Variants in STAG1 observed in about 807,000 individuals in gnomAD.
The protein encoded by STAG1 is STAG1 cohesin complex component, also known as cohesin subunit SA-1.
A neutral mutation model predicts 170.9 loss-of-function variants in STAG1; 26 were observed. The observed-to-expected ratio is 0.15, with a 90% CI of 0.11 to 0.21. STAG1 has a LOEUF of 0.21. Ranked by LOEUF, STAG1 falls within the 10% of genes least tolerant of loss-of-function variation. The pLI, the probability that STAG1 is intolerant of heterozygous loss-of-function variation, is 1.00. For missense variants in STAG1, 964 were observed against 1,509.5 expected (o/e 0.64, Z 5.99); for synonymous variants, 514 against 497.7 (o/e 1.03, Z -0.44).
intron 3 of STAG1, among the ~76,000 whole-genome samples, chr3:136,619,844 T>A (rs1458671977): frequency 6.7e-6 from 1 of 148,412 alleles, no homozygotes; most frequent in Non-Finnish European, 1.5e-5. Context: ...GGTGGGACGA[T>A]CAGTTGAGCC....
At chr3:136,663,487 A>G (rs1941646736) in intron 1 of STAG1, among the ~76,000 whole-genome samples, 1 of 152,206 alleles carries the variant, frequency 6.6e-6, no homozygotes, top group African/African-American at 2.4e-5. Context: ...CCATGACCCA[A>G]TCAGTTAGCA....
chr3:136,567,691 T>A (rs994356038), intron 5 of STAG1, among the ~76,000 whole-genome samples: 6 of 152,198 alleles, frequency 3.9e-5, no homozygotes, highest in African/African-American at 1.4e-4. Flanking sequence ...TTGCTAACTG[T>A]ATGATCTGGA....
At position 136,541,538 on chromosome 3, in the gene STAG1, TCACACACACACACACA is replaced by T. The variant is rs59155124; in HGVS notation, c.471+565_471+580del. On this transcript the variant is annotated intron_variant, in intron 6 of 33. Transcript: ENST00000383202. ...AGTATCCCAAATAGAAGCTTAACAT[TCACACACACACACACA>T]CACACACACACACACACACACACAC... Among the ~76,000 whole-genome samples, 35 of 123,116 alleles carry T rather than the reference TCACACACACACACACA, an allele frequency of 2.8e-4. 1 individual carries two copies. The highest frequency in any genetic ancestry group is 8.4e-4 in the Admixed American group (10 of 11,972). The allele number at this position is 123,116 out of a possible 152,430, so 80.8% of individuals were successfully genotyped here. A position where few individuals can be genotyped will look rare whatever the true frequency, so the allele number is the denominator to read the frequency against.
rs371718276 is a variant in STAG1 at position 136,464,000 on chromosome 3, A to G, written c.1313+881T>C. Among the ~76,000 whole-genome samples the G allele has an allele frequency of 6.6e-5, 10 of 151,204 alleles. No individual in the cohort carries two copies. In the East Asian group the frequency reaches 9.7e-4, roughly 15 times the overall value. ...CAGTAAATCACGCTAAAACATGTAC[A>G]TCCTAAATGTTTACATGCATACACT... is the stretch of plus-strand genomic sequence containing the variant. On this transcript the variant is annotated intron_variant, in intron 13 of 33. Transcript: ENST00000383202.
intron 1 of STAG1, among the ~76,000 whole-genome samples, chr3:136,751,843 C>T (rs1012316447): frequency 1.3e-5 from 2 of 150,732 alleles, no homozygotes. Flanking sequence ...GCGGCGGGCC[C>T]GAGCGCGCCA....
intron 16 of STAG1, among the ~76,000 whole-genome samples, chr3:136,425,680 G>A (rs946945030): frequency 6.6e-6 from 1 of 150,442 alleles, no homozygotes; most frequent in Non-Finnish European, 1.5e-5. Context: ...ATTTAAATAC[G>A]TGTATGTGTG....
chr3:136,454,565 A>G (rs1559811253), intron 13 of STAG1, among the ~76,000 whole-genome samples: 1 of 150,452 alleles, frequency 6.6e-6, no homozygotes, highest in African/African-American at 2.5e-5. Context: ...TTTTTAGTAG[A>G]GATGGGGTTT....
chr3:136,474,635 T>C (rs1336329306), intron 10 of STAG1, among the ~76,000 whole-genome samples: 1 of 152,202 alleles, frequency 6.6e-6, no homozygotes, highest in African/African-American at 2.4e-5. Flanking sequence ...TGTAAGCTGA[T>C]TCAAGCCTAC....
intron 4 of STAG1, among the ~76,000 whole-genome samples, chr3:136,591,967 T>C (rs1377306414): frequency 6.6e-6 from 1 of 152,168 alleles, no homozygotes; most frequent in Non-Finnish European, 1.5e-5. Flanking sequence ...GAAAGAATAT[T>C]AGAAACAGCA....
chr3:136,359,131 G>C lies in STAG1; in HGVS notation c.2936+17C>G. 1.3e-6 allele frequency: 2 copies of C among 1,587,926 alleles called. No homozygotes were observed. The highest frequency in any genetic ancestry group is 1.7e-6 in the Non-Finnish European group (2 of 1,164,478). ...AGTAAATCAGATTCTGCATAACAAAGTGTTTATCTCACTCACTTGTGAAGT... is the reference window on the plus strand; with the variant it reads ...AGTAAATCAGATTCTGCATAACAAACTGTTTATCTCACTCACTTGTGAAGT... On this transcript the variant is annotated intron_variant, in intron 27 of 33. Coordinates refer to ENST00000383202, the MANE Select transcript of STAG1 (RefSeq NM_005862.3).
At chr3:136,374,501 C>T (rs1937509666) in intron 23 of STAG1, among the ~76,000 whole-genome samples, 1 of 151,840 alleles carries the variant, frequency 6.6e-6, no homozygotes, top group African/African-American at 2.4e-5. Context: ...CCTGTAATTC[C>T]AGCTACTAGG....
chr3:136,501,637 T>C (rs1400805818), intron 8 of STAG1, among the ~76,000 whole-genome samples: 14 of 152,204 alleles, frequency 9.2e-5, no homozygotes, highest in Admixed American at 8.5e-4. Context: ...TGTGAGATTA[T>C]AATAATGTTA....
chr3:136,583,326 A>T (rs1011453811), intron 4 of STAG1, among the ~76,000 whole-genome samples: 1 of 152,190 alleles, frequency 6.6e-6, no homozygotes, highest in South Asian at 2.1e-4. Flanking sequence ...ACTCAATATA[A>T]TATCTATAAA....
Position 136,613,026 on chromosome 3 carries a change from G to A in STAG1, c.133-8553C>T, listed in dbSNP as rs1289521625. On this transcript the variant is annotated intron_variant, in intron 3 of 33. Transcript: ENST00000383202. Reference sequence around the variant, plus strand: ...GCAAGAAATGAGAGTTTCTGGGCCGGGCGCAGTGGCTCACACCTGTAATCC... The same window carrying A: ...GCAAGAAATGAGAGTTTCTGGGCCGAGCGCAGTGGCTCACACCTGTAATCC... Among the ~76,000 whole-genome samples, 5 of 152,090 alleles carry A rather than the reference G, an allele frequency of 3.3e-5. No individual in the cohort carries two copies. In the East Asian group the frequency reaches 9.6e-4, roughly 29 times the overall value.
chr3:136,585,614 TAATAAA>T (rs1329442474), intron 4 of STAG1, among the ~76,000 whole-genome samples: 92 of 151,570 alleles, frequency 6.1e-4, no homozygotes, highest in African/African-American at 2.2e-3. Flanking sequence ...ATAATAATAA[TAATAAA>T]AAAATAAAAT....
At chr3:136,581,228 G>A (rs939821216) in intron 4 of STAG1, among the ~76,000 whole-genome samples, 2 of 152,190 alleles carry the variant, frequency 1.3e-5, no homozygotes, top group Non-Finnish European at 2.9e-5. Context: ...TCTGCCAGCT[G>A]TTGAGCTCCG....
intron 1 of STAG1, among the ~76,000 whole-genome samples, chr3:136,714,949 ATATATATATATATAT>A (rs1943485355): frequency 1.2e-5 from 1 of 80,074 alleles, no homozygotes; most frequent in Non-Finnish European, 2.9e-5. Context: ...ATATATATAT[ATATATATATATATAT>A]TTTATATATA....
intron 3 of STAG1, among the ~76,000 whole-genome samples, chr3:136,610,977 C>G (rs57693506): frequency 0.038 from 5,752 of 152,128 alleles, 138 homozygotes; most frequent in East Asian, 0.13. Context: ...GGGTTGAGTA[C>G]CCCTTATCTG....
chr3:136,714,009 G>A (rs886259555), intron 1 of STAG1, among the ~76,000 whole-genome samples: 1 of 152,064 alleles, frequency 6.6e-6, no homozygotes, highest in African/African-American at 2.4e-5. Flanking sequence ...GGGCAACAGA[G>A]CAAGACTCTC....
Sources: allele counts gnomAD v4.1 joint callset (sites outside exome capture counted in the v4.1 genomes callset), GRCh38; gene constraint gnomAD v4.1.1; transcripts MANE v1.5; gene names NCBI Gene and HGNC (gene_info 2026-07-23, HGNC 2026-07-21).